SNTG1: variants seen among roughly 807,000 people sequenced by gnomAD.
The protein encoded by SNTG1 is gamma-1-syntrophin.
A neutral mutation model predicts 74.7 loss-of-function variants in SNTG1; 39 were observed. That is an observed-to-expected ratio of 0.52 (90% CI 0.40 to 0.68). The LOEUF (loss-of-function observed/expected upper bound fraction) is 0.68, where lower values mean the gene tolerates loss of function less well. Ranked by LOEUF, SNTG1 falls within the 30% of genes least tolerant of loss-of-function variation. SNTG1 has a pLI of 0.00. For missense variants in SNTG1, 685 were observed against 609.5 expected, an observed-to-expected ratio of 1.12 and a Z score of -1.30; for synonymous variants, 254 against 217.1, an observed-to-expected ratio of 1.17 and a Z score of -1.49.
chr8:50,575,546 C>T (rs1461318345), intron 12 of SNTG1: 1 of 152,256 alleles, frequency 6.6e-6, no homozygotes, highest in East Asian at 1.9e-4. Context: ...AAGGCCCTTA[C>T]TTCTCTGATC....
At chr8:49,991,962 C>A (rs1039782209) in intron 1 of SNTG1, among the ~76,000 whole-genome samples, 1 of 152,070 alleles carries the variant, frequency 6.6e-6, no homozygotes, top group Non-Finnish European at 1.5e-5. Flanking sequence ...TAAATTCTAT[C>A]CCATTAAAGC....
chr8:49,998,286 G>A (rs180926956), intron 1 of SNTG1, among the ~76,000 whole-genome samples: 1 of 152,180 alleles, frequency 6.6e-6, no homozygotes, highest in African/African-American at 2.4e-5. Flanking sequence ...GTGACTGAAT[G>A]TGAAGGCCTA....
intron 12 of SNTG1, among the ~76,000 whole-genome samples, chr8:50,554,373 ATGTT>A (rs1238334813): frequency 9.2e-5 from 14 of 151,942 alleles, no homozygotes; most frequent in African/African-American, 3.4e-4. Context: ...GGTGGATGAT[ATGTT>A]TCTTTCTATA....
At chr8:50,147,948 C>T (rs2081929245) in intron 1 of SNTG1, among the ~76,000 whole-genome samples, 1 of 151,900 alleles carries the variant, frequency 6.6e-6, no homozygotes, top group Admixed American at 6.6e-5. Context: ...AGAGGATAAG[C>T]ATAATGCATA....
At chr8:50,063,007 T>A (rs1006293828) in intron 1 of SNTG1, among the ~76,000 whole-genome samples, 2 of 152,204 alleles carry the variant, frequency 1.3e-5, no homozygotes, top group African/African-American at 4.8e-5. Flanking sequence ...TCAAACTAGT[T>A]AAATTTACAA....
chr8:49,953,897 A>G (rs1283963174), intron 1 of SNTG1, among the ~76,000 whole-genome samples: 1 of 152,200 alleles, frequency 6.6e-6, no homozygotes, highest in Non-Finnish European at 1.5e-5. Context: ...TTTATGTAGT[A>G]ATTGCATAAC....
chr8:50,239,140 T>C (rs2086054488), intron 2 of SNTG1, among the ~76,000 whole-genome samples: 1 of 152,156 alleles, frequency 6.6e-6, no homozygotes, highest in Non-Finnish European at 1.5e-5. Context: ...CATTACTGAG[T>C]ACATAAGCAA....
Position 50,777,018 on chromosome 8 carries a change from G to A in SNTG1, c.1396-15653G>A, listed in dbSNP as rs555809784. Among the ~76,000 whole-genome samples, 15 of 151,850 alleles carry A rather than the reference G, an allele frequency of 9.9e-5. No homozygotes were observed. In the South Asian group the frequency reaches 2.5e-3, roughly 25 times the overall value. On this transcript the variant is annotated intron_variant, in intron 18 of 18. Coordinates refer to ENST00000642720, the MANE Select transcript of SNTG1 (RefSeq NM_018967.5). ...CTTGCTGCTCTCAAGACTTTTTGCT[G>A]TCAAGTTTTCAGAAGCTGACTATGA...
rs191144869 is a variant in SNTG1 at position 50,563,139 on chromosome 8, T to C, written c.810+9960T>C. 1.5e-3 allele frequency among the ~76,000 whole-genome samples: 223 copies of C among 152,270 alleles called. 2 individuals are homozygous for C. Among genetic ancestry groups the C allele is most frequent in the Middle Eastern group, 0.01 (3 of 294 alleles). ...AGTCACAACTGAGAAAGACGGCAAC[T>C]GATCCCTGAGAGTGTCTGTGAAGAT... On this transcript the variant is annotated intron_variant, in intron 12 of 18. Transcript: ENST00000642720.
intron 11 of SNTG1, among the ~76,000 whole-genome samples, chr8:50,545,933 CTT>C (rs2094384364): frequency 6.6e-6 from 1 of 151,966 alleles, no homozygotes; most frequent in African/African-American, 2.4e-5. Flanking sequence ...ATGAATCTGA[CTT>C]ATAGTAAATA....
intron 2 of SNTG1, among the ~76,000 whole-genome samples, chr8:50,218,310 C>T (rs1017132611): frequency 6.6e-6 from 1 of 151,438 alleles, no homozygotes; most frequent in Non-Finnish European, 1.5e-5. Context: ...CTTCCAACAA[C>T]TCCTCAATCA....
intron 1 of SNTG1, among the ~76,000 whole-genome samples, chr8:49,938,699 T>C (rs1320983289): frequency 1.3e-5 from 2 of 149,288 alleles, no homozygotes; most frequent in East Asian, 2.0e-4. Flanking sequence ...TTCTTTTTCT[T>C]CCTTTCTCCC....
chr8:49,969,555 C>T (rs1027184617), intron 1 of SNTG1, among the ~76,000 whole-genome samples: 2 of 151,876 alleles, frequency 1.3e-5, no homozygotes, highest in African/African-American at 4.8e-5. Flanking sequence ...CACCACCATG[C>T]CCAGCTAATT....
At chr8:50,666,480 G>T (rs2095251362) in intron 15 of SNTG1, among the ~76,000 whole-genome samples, 1 of 152,048 alleles carries the variant, frequency 6.6e-6, no homozygotes, top group African/African-American at 2.4e-5. Flanking sequence ...GAAGTATGAG[G>T]GTGGGAGGTA....
intron 8 of SNTG1, chr8:50,458,185 C>A (rs12541396): frequency 0.63 from 95,088 of 150,332 alleles, 32,633 homozygotes; most frequent in Non-Finnish European, 0.77. Context: ...ACATCAAAGG[C>A]AGAAGCTAAA....
chr8:50,165,063 A>C (rs143379265), intron 1 of SNTG1, among the ~76,000 whole-genome samples: 2 of 152,258 alleles, frequency 1.3e-5, no homozygotes, highest in African/African-American at 4.8e-5. Context: ...ACACACACAC[A>C]CAAAAAATGT....
chr8:50,293,161 T>C (rs938918217), intron 2 of SNTG1, among the ~76,000 whole-genome samples: 5 of 152,206 alleles, frequency 3.3e-5, no homozygotes, highest in African/African-American at 1.2e-4. Context: ...AGGGTTATCA[T>C]AGCCGAGTAC....
chr8:50,600,876 G>T (rs545741306), intron 13 of SNTG1, among the ~76,000 whole-genome samples: 9 of 150,772 alleles, frequency 6.0e-5, no homozygotes, highest in African/African-American at 2.0e-4. Context: ...GTTCTTTAAG[G>T]CATATTAGGC....
chr8:50,339,730 A>G (rs2130928346), intron 2 of SNTG1, among the ~76,000 whole-genome samples: 1 of 152,076 alleles, frequency 6.6e-6, no homozygotes, highest in Admixed American at 6.5e-5. Context: ...GGGGAAAATA[A>G]TAAAGAAACA....
Sources: allele counts gnomAD v4.1 joint callset (sites outside exome capture counted in the v4.1 genomes callset), GRCh38; gene constraint gnomAD v4.1.1; transcripts MANE v1.5; gene names NCBI Gene and HGNC (gene_info 2026-07-23, HGNC 2026-07-21).